Variants in IFT56 observed in about 807,000 individuals in gnomAD.
The protein encoded by IFT56 is intraflagellar transport 56, also known as intraflagellar transport protein 56.
the IFT56 span, among the ~76,000 whole-genome samples, chr7:139,158,715 A>G: frequency 6.6e-6 from 1 of 152,110 alleles, no homozygotes; most frequent in Non-Finnish European, 1.5e-5. Context: ...GGAGTTTGAG[A>G]CCAGCCCGGA....
chr7:139,169,805 G>A, the IFT56 span, among the ~76,000 whole-genome samples: 4 of 152,072 alleles, frequency 2.6e-5, no homozygotes, highest in Non-Finnish European at 5.9e-5. Flanking sequence ...GAGCCCAGGA[G>A]TTCAGGACCA....
the IFT56 span, chr7:139,147,305 AT>A: frequency 1.3e-6 from 2 of 1,587,618 alleles, no homozygotes; most frequent in Non-Finnish European, 1.7e-6. Context: ...GTGTCCTTTT[AT>A]GCCCACTCTC....
At chr7:139,140,128 A>G in the IFT56 span, 9,101 of 612,114 alleles carry the variant, frequency 0.015, 308 homozygotes, top group East Asian at 0.095. Context: ...AAGCTAAAAA[A>G]ATAGCTTTAG....
the IFT56 span, among the ~76,000 whole-genome samples, chr7:139,163,678 A>G: frequency 1.7e-3 from 256 of 152,284 alleles, 1 homozygote; most frequent in African/African-American, 5.8e-3. Context: ...AGAGAACAAA[A>G]ACCCCTTGTG....
chr7:139,167,537 G>A, the IFT56 span, among the ~76,000 whole-genome samples: 12 of 152,166 alleles, frequency 7.9e-5, no homozygotes, highest in African/African-American at 2.4e-4. Context: ...AAAAGGGATA[G>A]AAGTGAGGCC....
chr7:139,144,379 T>G, the IFT56 span, among the ~76,000 whole-genome samples: 1 of 152,230 alleles, frequency 6.6e-6, no homozygotes, highest in East Asian at 1.9e-4. Context: ...CTATGAAGAT[T>G]TTTTTTCTGA....
At chr7:139,158,785 G>A in the IFT56 span, among the ~76,000 whole-genome samples, 1 of 151,904 alleles carries the variant, frequency 6.6e-6, no homozygotes, top group Non-Finnish European at 1.5e-5. Flanking sequence ...GTGGTGGCGT[G>A]TAGTTGTGGT....
At chr7:139,174,903 C>T in the IFT56 span, among the ~76,000 whole-genome samples, 1 of 152,008 alleles carries the variant, frequency 6.6e-6, no homozygotes, top group African/African-American at 2.4e-5. Flanking sequence ...CACCCGTAAT[C>T]CCAGCTACTC....
the IFT56 span, among the ~76,000 whole-genome samples, chr7:139,171,002 T>G: frequency 6.6e-6 from 1 of 152,204 alleles, no homozygotes; most frequent in East Asian, 1.9e-4. Context: ...TGTGGTAAAA[T>G]TGCAGGATAC....
At chr7:139,153,944 CATT>C in the IFT56 span, among the ~76,000 whole-genome samples, 1 of 152,186 alleles carries the variant, frequency 6.6e-6, no homozygotes, top group Non-Finnish European at 1.5e-5. Flanking sequence ...CACTATTTTA[CATT>C]CCCATCAGCA....
At chr7:139,179,483 C>T in the IFT56 span, 1 of 1,007,062 alleles carries the variant, frequency 9.9e-7, no homozygotes, top group East Asian at 2.4e-5. Context: ...TATAATGCTA[C>T]AGTGATCATC....
chr7:139,135,302 A>AAAAC, the IFT56 span, among the ~76,000 whole-genome samples: 1 of 139,530 alleles, frequency 7.2e-6, no homozygotes, highest in African/African-American at 3.1e-5. Context: ...AAAAAAACAA[A>AAAAC]ACAAAACTTA....
At chr7:139,134,750 A>G in the IFT56 span, 13 of 1,613,990 alleles carry the variant, frequency 8.1e-6, no homozygotes, top group Non-Finnish European at 1.0e-5. Flanking sequence ...TAGAGGAGCT[A>G]CTTTCAAAAA....
chr7:139,136,597 C>T, the IFT56 span, among the ~76,000 whole-genome samples: 1 of 152,062 alleles, frequency 6.6e-6, no homozygotes, highest in African/African-American at 2.4e-5. Flanking sequence ...ACTACAGGCA[C>T]GTGCCACTAT....
chr7:139,181,619 A>AT, the IFT56 span, among the ~76,000 whole-genome samples: 1 of 152,130 alleles, frequency 6.6e-6, no homozygotes, highest in African/African-American at 2.4e-5. Flanking sequence ...TCATTAGGTG[A>AT]TTTTGTCATT....
chr7:139,136,284 C>T, the IFT56 span, among the ~76,000 whole-genome samples: 2 of 152,106 alleles, frequency 1.3e-5, no homozygotes, highest in Non-Finnish European at 1.5e-5. Context: ...TTTTGGGCAT[C>T]AGCTTTCTCA....
chr7:139,178,089 G>T, the IFT56 span: 2 of 706,920 alleles, frequency 2.8e-6, no homozygotes. Context: ...AATGTATAAT[G>T]TCAGAATCTA....
chr7:139,166,445 T>A, the IFT56 span, among the ~76,000 whole-genome samples: 1 of 152,070 alleles, frequency 6.6e-6, no homozygotes, highest in East Asian at 1.9e-4. Context: ...TCTTTTTTCA[T>A]CACCTCTTTT....
the IFT56 span, chr7:139,173,522 C>T: frequency 5.3e-6 from 4 of 758,074 alleles, no homozygotes; most frequent in Non-Finnish European, 9.8e-6. Flanking sequence ...AGCCACCGCA[C>T]CCGGCAAAGT....
Sources: allele counts gnomAD v4.1 joint callset (sites outside exome capture counted in the v4.1 genomes callset), GRCh38; gene constraint gnomAD v4.1.1; transcripts MANE v1.5; gene names NCBI Gene and HGNC (gene_info 2026-07-23, HGNC 2026-07-21).